FARP1: variants seen among roughly 807,000 people sequenced by gnomAD.
FARP1 encodes FERM, ARHGEF and pleckstrin domain-containing protein 1.
Under a neutral mutation model 128.8 loss-of-function variants are expected in FARP1, and 52 were observed. That is an observed-to-expected ratio of 0.40 (90% CI 0.32 to 0.51). The LOEUF (loss-of-function observed/expected upper bound fraction) is 0.51. FARP1 is among the 20% of genes least tolerant of loss of function. The pLI is 0.45. For missense variants in FARP1, 1,333 were observed against 1,367.9 expected (o/e 0.97, Z 0.40); for synonymous variants, 580 against 551.8 (o/e 1.05, Z -0.72).
intron 13 of FARP1, chr13:98,397,900 G>GA (rs3841606): frequency 4.8e-4 from 41 of 84,580 alleles, no homozygotes; most frequent in African/African-American, 1.7e-3. Context: ...TTTTTTTTTT[G>GA]AAAAAAAAAA....
intron 1 of FARP1, among the ~76,000 whole-genome samples, chr13:98,152,179 G>C (rs1464778466): frequency 6.6e-6 from 1 of 152,146 alleles, no homozygotes; most frequent in Non-Finnish European, 1.5e-5. Flanking sequence ...GTCCTTCTCT[G>C]CTGCCCCTCG....
In FARP1 at chr13:98,310,025, C is replaced by G. The variant is rs189323090; in HGVS notation, c.172-33737C>G. Reference sequence around the variant, plus strand: ...CTGGTTTTTACGCCGATGGGACCATCCTCTCTCTCTCTATTCCTCCAATCT... The same window carrying G: ...CTGGTTTTTACGCCGATGGGACCATGCTCTCTCTCTCTATTCCTCCAATCT... On this transcript the variant is annotated intron_variant, in intron 2 of 26. Transcript: ENST00000319562. Among the ~76,000 whole-genome samples the G allele has an allele frequency of 8.6e-5, 13 of 151,282 alleles. No homozygotes were observed. The East Asian group carries it at 2.3e-3, about 27-fold the overall frequency.
intron 5 of FARP1, among the ~76,000 whole-genome samples, chr13:98,373,533 G>GACAGACACACACACAC (rs1349451618): frequency 8.1e-4 from 106 of 131,064 alleles, no homozygotes; most frequent in Middle Eastern, 8.3e-3. Context: ...CAGACAGACA[G>GACAGACACACACACAC]ACACACACAC....
At chr13:98,421,900 G>A (rs975579657) in intron 16 of FARP1, among the ~76,000 whole-genome samples, 6 of 152,116 alleles carry the variant, frequency 3.9e-5, no homozygotes, top group African/African-American at 1.2e-4. Context: ...AGAGGATTTG[G>A]TGTTGGAAAT....
At chr13:98,385,919 T>C in intron 8 of FARP1, 105 bp downstream of exon 8, 2 of 1,231,500 alleles carry the variant, frequency 1.6e-6, no homozygotes, top group South Asian at 2.8e-5. Context: ...CTGATGGTTA[T>C]TTTTCGGCGA....
chr13:98,317,604 G>A (rs2139773110), intron 2 of FARP1, among the ~76,000 whole-genome samples: 1 of 151,868 alleles, frequency 6.6e-6, no homozygotes, highest in South Asian at 2.1e-4. Context: ...AGGTAAAGAT[G>A]GGGTTTGAGT....
intron 2 of FARP1, among the ~76,000 whole-genome samples, chr13:98,256,948 G>GGTATATATGTATATATAT (rs59128917): frequency 3.9e-5 from 3 of 77,076 alleles, no homozygotes; most frequent in Non-Finnish European, 5.4e-5. Context: ...TATATATGTG[G>GGTATATATGTATATATAT]ATATATATAT....
intron 2 of FARP1, among the ~76,000 whole-genome samples, chr13:98,225,748 G>A (rs141333501): frequency 6.6e-6 from 1 of 152,340 alleles, no homozygotes; most frequent in African/African-American, 2.4e-5. Flanking sequence ...CTTTATGTGG[G>A]TAGGTACAAG....
chr13:98,401,415 A>ACACAGACACACACACACACACACAC (rs71111952), intron 13 of FARP1: 1 of 130,862 alleles, frequency 7.6e-6, no homozygotes, highest in East Asian at 2.7e-4. Flanking sequence ...ATAATGACAA[A>ACACAGACACACACACACACACACAC]ACACACACAC....
intron 1 of FARP1, among the ~76,000 whole-genome samples, chr13:98,145,267 A>C (rs557013574): frequency 2.0e-5 from 3 of 151,928 alleles, no homozygotes; most frequent in Non-Finnish European, 4.4e-5. Context: ...ATGGTGCACC[A>C]CCCCGCCCCC....
intron 2 of FARP1, chr13:98,333,769 T>C (rs1423208547): frequency 6.6e-6 from 1 of 152,072 alleles, no homozygotes; most frequent in Non-Finnish European, 1.5e-5. Context: ...TCAGAACCGA[T>C]GGGCAGGCCT....
chr13:98,179,248 C>T (rs1193092179), intron 1 of FARP1, among the ~76,000 whole-genome samples: 1 of 151,948 alleles, frequency 6.6e-6, no homozygotes, highest in Admixed American at 6.6e-5. Flanking sequence ...AAGGGGTTTG[C>T]CCTTATAAAA....
At chr13:98,300,177 G>A (rs1305840137) in intron 2 of FARP1, among the ~76,000 whole-genome samples, 2 of 152,230 alleles carry the variant, frequency 1.3e-5, no homozygotes, top group Non-Finnish European at 2.9e-5. Flanking sequence ...GAGGCAAAGA[G>A]AAAGTTGGTG....
intron 2 of FARP1, among the ~76,000 whole-genome samples, chr13:98,263,690 A>T (rs1384687922): frequency 6.6e-6 from 1 of 152,258 alleles, no homozygotes; most frequent in Non-Finnish European, 1.5e-5. Flanking sequence ...AGCCCAGTAG[A>T]TGTTTAATAG....
At chr13:98,162,606 G>A (rs1313589756) in intron 1 of FARP1, among the ~76,000 whole-genome samples, 1 of 151,998 alleles carries the variant, frequency 6.6e-6, no homozygotes, top group South Asian at 2.1e-4. Flanking sequence ...GTCACAAATG[G>A]GTGGCAGATA....
chr13:98,413,383 G>T (rs968438166), intron 16 of FARP1, among the ~76,000 whole-genome samples: 41 of 152,318 alleles, frequency 2.7e-4, no homozygotes, highest in African/African-American at 9.6e-4. Context: ...AAAAATGTGG[G>T]CACAGTGGCT....
At chr13:98,154,947 C>T (rs1387231714) in intron 1 of FARP1, among the ~76,000 whole-genome samples, 1 of 152,168 alleles carries the variant, frequency 6.6e-6, no homozygotes, top group Admixed American at 6.5e-5. Flanking sequence ...CATGGTGGCA[C>T]ATACCTGTAG....
At chr13:98,448,104 CTCTTCTGCTGAAGTGGCA>C in intron 26 of FARP1, 114 bp from the exon 27 acceptor site, 1 of 738,178 alleles carries the variant, frequency 1.4e-6, no homozygotes, top group Non-Finnish European at 2.4e-6. Flanking sequence ...TGTTCCCTTG[CTCTTCTGCTGAAGTGGCA>C]GATTACCAAC....
intron 2 of FARP1, among the ~76,000 whole-genome samples, chr13:98,219,613 A>G (rs1881295369): frequency 6.6e-6 from 1 of 152,118 alleles, no homozygotes; most frequent in Non-Finnish European, 1.5e-5. Context: ...GATGACGGGC[A>G]TGAGCCACTG....
Sources: gnomAD v4.1 joint callset for allele counts (sites outside exome capture counted in the v4.1 genomes callset) on GRCh38, gnomAD v4.1.1 for gene constraint, MANE v1.5 for transcripts, NCBI Gene and HGNC (gene_info 2026-07-23, HGNC 2026-07-21) for gene names.